The following SSPN variants were observed in gnomAD, a reference collection of about 807,000 sequenced individuals.
SSPN encodes K-ras oncogene-associated protein.
In SSPN, 15 loss-of-function variants were observed where a neutral mutation model predicts 19.1. That is an observed-to-expected ratio of 0.78 (90% confidence interval 0.52 to 1.21). SSPN has a LOEUF of 1.21. SSPN is among the 50% of genes most tolerant of loss of function. The pLI, the probability that SSPN is intolerant of heterozygous loss-of-function variation, is 0.00. For synonymous variants in SSPN, 147 were observed against 140.3 expected (o/e 1.05, Z -0.34); for missense variants, 291 against 314.0 (o/e 0.93, Z 0.55).
chr12:26,125,121 G>A (rs1170454237), intron 1 of SSPN: 2 of 431,182 alleles, frequency 4.6e-6, no homozygotes, highest in South Asian at 2.3e-5. Context: ...CCGGAGGGGG[G>A]CGGGGGAGGA....
chr12:26,192,657 G>C (rs1299898055), upstream of SSPN, among the ~76,000 whole-genome samples: 1 of 152,184 alleles, frequency 6.6e-6, no homozygotes, highest in African/African-American at 2.4e-5. Flanking sequence ...ATGCTGTTGG[G>C]AAGCTGAGCA....
At chr12:26,134,776 C>T (rs763500346) in intron 1 of SSPN, among the ~76,000 whole-genome samples, 1 of 151,260 alleles carries the variant, frequency 6.6e-6, no homozygotes, top group Non-Finnish European at 1.5e-5. Context: ...GACACCCTCA[C>T]TATACTTAGA....
At chr12:26,226,887 C>T (rs1392290847) in intron 2 of SSPN, among the ~76,000 whole-genome samples, 1 of 152,144 alleles carries the variant, frequency 6.6e-6, no homozygotes, top group Non-Finnish European at 1.5e-5. Context: ...AAACACCCTC[C>T]TCCCGAGGTC....
chr12:26,162,754 A>T (rs1331231866), intron 1 of SSPN, among the ~76,000 whole-genome samples: 1 of 152,246 alleles, frequency 6.6e-6, no homozygotes, highest in African/African-American at 2.4e-5. Context: ...TTATAAGGAA[A>T]CCATAATATA....
In SSPN at chr12:26,231,326, C is replaced by T. The variant is rs1271548236; in HGVS notation, c.*250C>T. On this transcript the variant is annotated 3_prime_UTR_variant, in exon 3 of 3. Coordinates refer to ENST00000242729, the MANE Select transcript of SSPN (RefSeq NM_005086.5). ...TATTAAAAGTTAACAGAACACTGAA[C>T]AAGGAAAGAATGGCATAGATCTATC... 2.2e-6 allele frequency: 1 copy of T among 453,654 alleles called. No individual in the cohort carries two copies. The highest frequency in any genetic ancestry group is 2.0e-5 in the African/African-American group (1 of 49,810). 28.1% of individuals were successfully genotyped at this position (453,654 alleles called of 1,614,324 possible). A position where few individuals can be genotyped will look rare whatever the true frequency, so the allele number is the denominator to read the frequency against.
chr12:26,195,174 G>C (rs984710744), upstream of SSPN, among the ~76,000 whole-genome samples: 1 of 152,162 alleles, frequency 6.6e-6, no homozygotes, highest in Non-Finnish European at 1.5e-5. Context: ...TTAACTTCTG[G>C]AAATGACTTC....
upstream of SSPN, chr12:26,195,549 G>C (rs1327900848): frequency 1.6e-6 from 2 of 1,284,866 alleles, no homozygotes; most frequent in Non-Finnish European, 2.0e-6. Flanking sequence ...GGCTCCAAAT[G>C]TTTTCCATAT....
intron 2 of SSPN, among the ~76,000 whole-genome samples, chr12:26,226,067 T>C (rs1490358161): frequency 6.6e-6 from 1 of 152,196 alleles, no homozygotes; most frequent in Non-Finnish European, 1.5e-5. Flanking sequence ...GCTACCTCTT[T>C]TTTTCCACCC....
rs763976195 is a variant in SSPN, at chr12:26,230,720, T to C, written c.376T>C (p.Phe126Leu). 5.0e-6 allele frequency: 8 copies of C among 1,610,120 alleles called. No homozygotes were observed. In the African/African-American group the frequency reaches 1.1e-4, roughly 22 times the overall value. The change falls in exon 3 of 3, where the codon TTT becomes CTT. Residue 126 changes from phenylalanine (F) to leucine (L), a missense_variant. This residue lies in a region of SSPN where 141 missense variants were observed against 166.7 expected (regional missense o/e 0.85). Transcript: ENST00000242729. ...TTCTGCTTTCTTGCAGCTGTTATAC[T>C]TTCTGCTGAGTGCCCTGGGCCTGAC... is the stretch of plus-strand genomic sequence containing the variant. ...CIQFSMKLLYFLLSALGLTVC... is the reference protein window; with the variant it reads ...CIQFSMKLLYLLLSALGLTVC...
At position 26,233,382 on chromosome 12, in the gene SSPN, T is replaced by C. The variant is rs1269369232; in HGVS notation, c.*2306T>C. ...CACACACACACACACATATATACTATACATATATAAAATGGGGATATTACT... is the reference window on the plus strand; with the variant it reads ...CACACACACACACACATATATACTACACATATATAAAATGGGGATATTACT... On this transcript the variant is annotated 3_prime_UTR_variant, in exon 3 of 3. Coordinates refer to ENST00000242729, the MANE Select transcript of SSPN (RefSeq NM_005086.5). The surrounding 1 kb of genome is among the most constrained non-coding windows in gnomAD (Gnocchi z 4.3). 6.8e-6 allele frequency: 1 copy of C among 146,140 alleles called. No homozygotes were observed. Among genetic ancestry groups the C allele is most frequent in the Admixed American group, 6.7e-5 (1 of 14,964 alleles). The allele number at this position is 146,140 out of a possible 1,614,324, so 9.1% of individuals were successfully genotyped here.
chr12:26,140,484 G>A (rs1438319575), intron 1 of SSPN, among the ~76,000 whole-genome samples: 1 of 152,154 alleles, frequency 6.6e-6, no homozygotes, highest in African/African-American at 2.4e-5. Context: ...TTGAGAGAGT[G>A]GACCTGGTTT....
intron 1 of SSPN, chr12:26,122,612 T>G (rs1298722112): frequency 2.2e-5 from 25 of 1,130,172 alleles, no homozygotes; most frequent in Middle Eastern, 3.7e-4. Flanking sequence ...GAAGCGCGGC[T>G]GCCGCCGCCG....
intron 1 of SSPN, among the ~76,000 whole-genome samples, chr12:26,168,257 A>AAGATTACAT (rs1008029311): frequency 3.9e-5 from 6 of 152,106 alleles, no homozygotes; most frequent in African/African-American, 1.2e-4. Flanking sequence ...ACATATTTGT[A>AAGATTACAT]AGATTACATA....
intron 1 of SSPN, among the ~76,000 whole-genome samples, chr12:26,143,685 T>C (rs1215979811): frequency 3.9e-5 from 6 of 152,226 alleles, no homozygotes; most frequent in Admixed American, 3.9e-4. Flanking sequence ...AAAGAAATAC[T>C]TGACATATTG....
chr12:26,123,581 G>A, intron 1 of SSPN: 1 of 1,331,180 alleles, frequency 7.5e-7, no homozygotes, highest in East Asian at 2.3e-5. Context: ...GCTCCCCTGT[G>A]GGCTGCCCCG....
intron 1 of SSPN, among the ~76,000 whole-genome samples, chr12:26,143,284 A>G (rs1365785670): frequency 6.6e-6 from 1 of 152,250 alleles, no homozygotes; most frequent in Non-Finnish European, 1.5e-5. Context: ...GATCATCATA[A>G]GCTCCTGTGT....
At chr12:26,122,276 G>A (rs1442539403) in intron 1 of SSPN, 1 of 1,211,792 alleles carries the variant, frequency 8.3e-7, no homozygotes, top group Non-Finnish European at 1.0e-6. Context: ...AGGACAGGCA[G>A]GGGAACGCGG....
chr12:26,157,466 ACT>A (rs757444826), intron 1 of SSPN, among the ~76,000 whole-genome samples: 1 of 152,018 alleles, frequency 6.6e-6, no homozygotes, highest in Non-Finnish European at 1.5e-5. Flanking sequence ...AATTGGGTCA[ACT>A]CATCCTCAGG....
intron 1 of SSPN, among the ~76,000 whole-genome samples, chr12:26,207,050 A>G (rs564302401): frequency 5.3e-5 from 8 of 152,336 alleles, no homozygotes; most frequent in East Asian, 1.9e-4. Flanking sequence ...GTACCGTGCT[A>G]GCGCAGAGAA....
Sources: allele counts gnomAD v4.1 joint callset (sites outside exome capture counted in the v4.1 genomes callset), GRCh38; gene constraint gnomAD v4.1.1; regional missense constraint gnomAD v4.1.1; non-coding constraint Gnocchi (gnomAD v3.1); transcripts MANE v1.5; gene names NCBI Gene and HGNC (gene_info 2026-07-23, HGNC 2026-07-21).